SORBS2: variants seen among roughly 807,000 people sequenced by gnomAD.
SORBS2 encodes sorbin and SH3 domain-containing protein 2.
SORBS2 carries 46 observed loss-of-function variants against 97.7 expected under a neutral mutation model. The ratio of observed to expected loss-of-function variants is 0.47; its 90% CI spans 0.37 to 0.60. SORBS2 has a LOEUF of 0.60. Ranked by LOEUF, SORBS2 falls within the 20% of genes least tolerant of loss-of-function variation. The pLI is 0.00. For synonymous variants in SORBS2, 476 were observed against 473.4 expected, an observed-to-expected ratio of 1.01 and a Z score of -0.07; for missense variants, 1,316 against 1,282.3, an observed-to-expected ratio of 1.03 and a Z score of -0.40.
At chr4:185,841,346 A>G (rs560485252) in intron 1 of SORBS2, among the ~76,000 whole-genome samples, 6 of 152,188 alleles carry the variant, frequency 3.9e-5, no homozygotes, top group Non-Finnish European at 8.8e-5. Flanking sequence ...GAGGTGAGAC[A>G]TTCAGATATT....
chr4:185,828,357 A>C (rs2099203120), intron 1 of SORBS2, among the ~76,000 whole-genome samples: 1 of 152,052 alleles, frequency 6.6e-6, no homozygotes, highest in Admixed American at 6.6e-5. Context: ...ATTCTTGGAG[A>C]CAGACTCACT....
intron 1 of SORBS2, among the ~76,000 whole-genome samples, chr4:185,827,908 CCATCAT>C (rs138908741): frequency 6.9e-6 from 1 of 143,982 alleles, no homozygotes; most frequent in African/African-American, 2.6e-5. Context: ...CATCATCATA[CCATCAT>C]CATCATCATC....
intron 4 of SORBS2, among the ~76,000 whole-genome samples, chr4:185,671,505 C>T (rs2097711903): frequency 6.6e-6 from 1 of 152,070 alleles, no homozygotes; most frequent in South Asian, 2.1e-4. Flanking sequence ...TGGATAAAAC[C>T]CATCTCTTAA....
At chr4:185,654,365 A>G (rs940341279) in intron 1 of SORBS2, among the ~76,000 whole-genome samples, 2 of 152,244 alleles carry the variant, frequency 1.3e-5, no homozygotes, top group African/African-American at 4.8e-5. Flanking sequence ...AAAGCAACAG[A>G]AAATACAACA....
intron 1 of SORBS2, among the ~76,000 whole-genome samples, chr4:185,904,964 C>T (rs566262321): frequency 6.6e-5 from 10 of 152,188 alleles, no homozygotes; most frequent in Non-Finnish European, 1.5e-4. Flanking sequence ...ATTAGCCAGG[C>T]GTGGTGGCGC....
chr4:185,725,826 T>C (rs1013585651), intron 2 of SORBS2, among the ~76,000 whole-genome samples: 1 of 152,224 alleles, frequency 6.6e-6, no homozygotes, highest in African/African-American at 2.4e-5. Context: ...GCTAATATTT[T>C]GAAAGGAACA....
intron 2 of SORBS2, among the ~76,000 whole-genome samples, chr4:185,750,688 C>T (rs1459995734): frequency 6.6e-6 from 1 of 152,186 alleles, no homozygotes; most frequent in African/African-American, 2.4e-5. Context: ...TAACTTTCAA[C>T]CTCTATTGCT....
rs141510261 is a variant in SORBS2 at position 185,858,211 on chromosome 4, C to T, written c.-337-82845G>A. Among the ~76,000 whole-genome samples the T allele has an allele frequency of 4.1e-3, 619 of 152,210 alleles. 5 individuals are homozygous for T. Among genetic ancestry groups the T allele is most frequent in the African/African-American group, 0.013 (541 of 41,532 alleles). ...CTTAGGGAAAATAGAAAAGAACCTA[C>T]GTTGAAATATTGGGGGCTGGTTCCC... is the stretch of plus-strand genomic sequence containing the variant. On this transcript the variant is annotated intron_variant, in intron 1 of 20. Transcript: ENST00000284776.
At chr4:185,677,460 G>A (rs1375174081) in intron 4 of SORBS2, 3 of 1,551,870 alleles carry the variant, frequency 1.9e-6, no homozygotes, top group Non-Finnish European at 2.6e-6. Flanking sequence ...ATATACAATT[G>A]TCTGTCTCGA....
intron 1 of SORBS2, among the ~76,000 whole-genome samples, chr4:185,656,045 A>AGG (rs2097395610): frequency 6.6e-6 from 1 of 152,214 alleles, no homozygotes; most frequent in Non-Finnish European, 1.5e-5. Flanking sequence ...TTCAAATTTA[A>AGG]CCATTTTGAG....
At chr4:185,850,650 T>C (rs1042727655) in intron 1 of SORBS2, among the ~76,000 whole-genome samples, 2 of 152,218 alleles carry the variant, frequency 1.3e-5, no homozygotes, top group Admixed American at 6.5e-5. Flanking sequence ...ATATCATATG[T>C]TTTACAAGAC....
At chr4:185,836,538 T>TA (rs1344178219) in intron 1 of SORBS2, among the ~76,000 whole-genome samples, 1 of 152,208 alleles carries the variant, frequency 6.6e-6, no homozygotes, top group Non-Finnish European at 1.5e-5. Flanking sequence ...CCAAGTGCTT[T>TA]AGGGAAATCG....
upstream of SORBS2, among the ~76,000 whole-genome samples, chr4:185,658,842 GTACAAAAAATTTTTGTACAAAA>G (rs1459706317): frequency 6.6e-6 from 1 of 151,610 alleles, no homozygotes; most frequent in Non-Finnish European, 1.5e-5. Flanking sequence ...CACCATGCCT[GTACAAAAAATTTTTGTACAAAA>G]TACAAACAAT....
intron 2 of SORBS2, among the ~76,000 whole-genome samples, 180 bp from the exon 11 acceptor site, chr4:185,652,008 C>G (rs1370660910): frequency 2.6e-5 from 4 of 151,834 alleles, no homozygotes; most frequent in Non-Finnish European, 4.4e-5. Flanking sequence ...ACCCTGTCGT[C>G]CAGTCTGGAG....
intron 1 of SORBS2, among the ~76,000 whole-genome samples, chr4:185,807,710 T>G (rs1247971907): frequency 6.6e-6 from 1 of 152,230 alleles, no homozygotes; most frequent in Non-Finnish European, 1.5e-5. Flanking sequence ...TGTCTTGAGT[T>G]TTTCAGAAAT....
Position 185,606,281 on chromosome 4 carries a change from C to G in SORBS2, c.2796+5499G>C, listed in dbSNP as rs1053530126. The G allele has an allele frequency of 2.1e-5, 21 of 980,536 alleles. No individual in the cohort carries two copies. The South Asian group carries it at 9.5e-4, about 44-fold the overall frequency. The allele number at this position is 980,536 out of a possible 1,614,324, so 60.7% of individuals were successfully genotyped here. On this transcript the variant is annotated intron_variant, in intron 12 of 14. Coordinates refer to ENST00000418609, the Ensembl canonical transcript of SORBS2. This position sits in a 1 kb window ranked among gnomAD's most constrained non-coding sequence, Gnocchi z 4.3. ...TGTCTGATACTCAGTAAGAGCTCCA[C>G]TATTAGCTATCATTGTTAATATTGG...
chr4:185,907,213 T>C (rs2099251486), intron 1 of SORBS2, among the ~76,000 whole-genome samples: 1 of 152,102 alleles, frequency 6.6e-6, no homozygotes, highest in South Asian at 2.1e-4. Context: ...ACTTGTCTTG[T>C]TGGTTGAAGT....
chr4:185,923,963 C>T (rs1000318418), intron 1 of SORBS2, among the ~76,000 whole-genome samples: 4 of 152,140 alleles, frequency 2.6e-5, no homozygotes, highest in Non-Finnish European at 4.4e-5. Flanking sequence ...CATTCCTTTG[C>T]GATGTGTATT....
chr4:185,897,769 G>C (rs1215238800), intron 1 of SORBS2, among the ~76,000 whole-genome samples: 1 of 152,136 alleles, frequency 6.6e-6, no homozygotes, highest in African/African-American at 2.4e-5. Flanking sequence ...GGGTGCAGTG[G>C]CTCACGCCTG....
Sources: allele counts gnomAD v4.1 joint callset (sites outside exome capture counted in the v4.1 genomes callset), GRCh38; gene constraint gnomAD v4.1.1; non-coding constraint Gnocchi (gnomAD v3.1); transcripts MANE v1.5; gene names NCBI Gene and HGNC (gene_info 2026-07-23, HGNC 2026-07-21).